Variants in FHIT observed in about 807,000 individuals in gnomAD.
FHIT encodes the protein bis(5'-adenosyl)-triphosphatase.
A neutral mutation model predicts 17.9 loss-of-function variants in FHIT; 19 were observed. The ratio of observed to expected loss-of-function variants is 1.06; its 90% CI spans 0.74 to 1.56. The LOEUF is 1.56. FHIT is among the 40% of genes most tolerant of loss of function. The probability of loss-of-function intolerance (pLI) is 0.00; values close to 1 mark genes in which losing one functional copy is unlikely to be tolerated. For missense variants in FHIT, 248 were observed against 189.2 expected, an observed-to-expected ratio of 1.31 and a Z score of -1.82; for synonymous variants, 81 against 69.7, an observed-to-expected ratio of 1.16 and a Z score of -0.81.
intron 8 of FHIT, among the ~76,000 whole-genome samples, chr3:59,834,401 TATAG>T (rs1168425341): frequency 2.0e-5 from 3 of 152,214 alleles, no homozygotes; most frequent in Admixed American, 1.3e-4. Context: ...AACTTAGACA[TATAG>T]ATAGATGATA....
intron 5 of FHIT, among the ~76,000 whole-genome samples, chr3:60,192,048 C>A (rs558242308): frequency 6.6e-6 from 1 of 151,746 alleles, no homozygotes; most frequent in African/African-American, 2.4e-5. Context: ...ACCAGGAGTT[C>A]GAGACCAGCC....
intron 7 of FHIT, among the ~76,000 whole-genome samples, chr3:59,988,364 T>A (rs866780640): frequency 6.6e-6 from 1 of 152,122 alleles, no homozygotes. Context: ...TCACCTCTTA[T>A]GCCCTGGTGG....
At chr3:60,751,512 G>A (rs2042466170) in intron 4 of FHIT, among the ~76,000 whole-genome samples, 1 of 152,222 alleles carries the variant, frequency 6.6e-6, no homozygotes, top group African/African-American at 2.4e-5. Context: ...AGAAGAAATA[G>A]GAATGCCAAT....
At chr3:60,893,278 T>C (rs1474933805) in intron 3 of FHIT, among the ~76,000 whole-genome samples, 4 of 152,204 alleles carry the variant, frequency 2.6e-5, no homozygotes, top group African/African-American at 4.8e-5. Flanking sequence ...CCACTCTTCA[T>C]CAAACCTAGT....
At chr3:60,258,638 G>A (rs1706140671) in intron 5 of FHIT, among the ~76,000 whole-genome samples, 2 of 152,048 alleles carry the variant, frequency 1.3e-5, no homozygotes, top group South Asian at 4.1e-4. Flanking sequence ...TATAACAAAA[G>A]GTAGATCAAC....
intron 4 of FHIT, among the ~76,000 whole-genome samples, chr3:60,640,256 A>G (rs1045716907): frequency 1.3e-5 from 2 of 152,162 alleles, no homozygotes; most frequent in African/African-American, 2.4e-5. Flanking sequence ...TGAATTTTAC[A>G]TGGGCACAGT....
In FHIT at chr3:60,340,913, A is replaced by T. The variant is rs545229043; in HGVS notation, c.103+195947T>A. On this transcript the variant is annotated intron_variant, in intron 5 of 9. Transcript: ENST00000492590. ...CACTATGTAGGCCAGGCTGGTCTCT[A>T]ACTCCTGACCTTGTGATGCGCCCAT... Among the ~76,000 whole-genome samples, 5 of 152,272 alleles carry T rather than the reference A, an allele frequency of 3.3e-5. No homozygotes were observed. In the East Asian group the frequency reaches 7.7e-4, roughly 24 times the overall value.
intron 2 of FHIT, among the ~76,000 whole-genome samples, chr3:61,102,369 G>A (rs192647744): frequency 3.9e-5 from 6 of 152,198 alleles, no homozygotes; most frequent in East Asian, 1.9e-4. Context: ...ATTGATTTGC[G>A]TATGTTGAAC....
At chr3:60,372,195 T>C (rs2107063952) in intron 5 of FHIT, among the ~76,000 whole-genome samples, 1 of 152,270 alleles carries the variant, frequency 6.6e-6, no homozygotes, top group Middle Eastern at 3.4e-3. Flanking sequence ...GCCTAAAAAG[T>C]CTGAGAAATG....
intron 5 of FHIT, among the ~76,000 whole-genome samples, chr3:60,431,532 T>C (rs1702905521): frequency 6.6e-6 from 1 of 152,108 alleles, no homozygotes; most frequent in Non-Finnish European, 1.5e-5. Flanking sequence ...AGGGAACTAA[T>C]GTTTATGCTT....
chr3:60,622,014 C>T (rs528193228), intron 4 of FHIT, among the ~76,000 whole-genome samples: 2 of 152,244 alleles, frequency 1.3e-5, no homozygotes, highest in African/African-American at 4.8e-5. Context: ...AGGATTTGAG[C>T]TCTCTTAGCT....
intron 5 of FHIT, among the ~76,000 whole-genome samples, chr3:60,023,560 T>C (rs934008338): frequency 3.9e-5 from 6 of 152,168 alleles, no homozygotes; most frequent in African/African-American, 1.4e-4. Context: ...ATCTTCCATA[T>C]AGCTGGCCAA....
At chr3:60,122,658 T>C (rs1315565517) in intron 5 of FHIT, among the ~76,000 whole-genome samples, 7 of 152,264 alleles carry the variant, frequency 4.6e-5, no homozygotes, top group East Asian at 3.9e-4. Context: ...GAGAAAAAAG[T>C]ATCTGGTGAA....
chr3:59,998,476 G>A (rs917190178), intron 7 of FHIT, among the ~76,000 whole-genome samples: 4 of 152,152 alleles, frequency 2.6e-5, no homozygotes, highest in Middle Eastern at 3.4e-3. Flanking sequence ...CTGAAAAGAG[G>A]GATTTTATGA....
chr3:60,791,160 C>T (rs1039300818), intron 4 of FHIT, among the ~76,000 whole-genome samples: 15 of 152,068 alleles, frequency 9.9e-5, no homozygotes, highest in African/African-American at 3.4e-4. Context: ...ACTGCTCAAG[C>T]TGGCCCCTTA....
In FHIT at chr3:60,045,051, A is replaced by T. The variant is rs1701595201; in HGVS notation, c.104-30899T>A. ...GCCATCATAAAAAACAGCAAAAAAA[A>T]GAAAGAAAGAAACAAAGATGGGGAG... is the stretch of plus-strand genomic sequence containing the variant. On this transcript the variant is annotated intron_variant, in intron 5 of 9. Coordinates refer to ENST00000492590, the MANE Select transcript of FHIT (RefSeq NM_002012.4). 2.6e-5 allele frequency among the ~76,000 whole-genome samples: 4 copies of T among 152,280 alleles called. No individual in the cohort carries two copies. The South Asian group carries it at 8.3e-4, about 32-fold the overall frequency.
At chr3:59,895,730 C>T (rs1312673179) in intron 8 of FHIT, among the ~76,000 whole-genome samples, 1 of 152,228 alleles carries the variant, frequency 6.6e-6, no homozygotes, top group Non-Finnish European at 1.5e-5. Flanking sequence ...TGACCTCTAA[C>T]TTCCATTCTC....
chr3:60,245,985 T>G (rs1265077649), intron 5 of FHIT, among the ~76,000 whole-genome samples: 1 of 152,116 alleles, frequency 6.6e-6, no homozygotes, highest in African/African-American at 2.4e-5. Flanking sequence ...AAAAAAAATT[T>G]TCTTAAATTT....
At chr3:60,992,468 C>T (rs2030319427) in intron 3 of FHIT, among the ~76,000 whole-genome samples, 1 of 152,180 alleles carries the variant, frequency 6.6e-6, no homozygotes. Context: ...GGTGACTGCT[C>T]TCTTCAGGAA....
Sources: gnomAD v4.1 joint callset for allele counts (sites outside exome capture counted in the v4.1 genomes callset) on GRCh38, gnomAD v4.1.1 for gene constraint, MANE v1.5 for transcripts, NCBI Gene and HGNC (gene_info 2026-07-23, HGNC 2026-07-21) for gene names.